The following BBS2 variants were observed in gnomAD, a reference collection of about 807,000 sequenced individuals.
The protein encoded by BBS2 is BBSome complex member BBS2.
Under a neutral mutation model 83.0 loss-of-function variants are expected in BBS2, and 62 were observed. The observed-to-expected ratio is 0.75, with a 90% CI of 0.61 to 0.92. The LOEUF (loss-of-function observed/expected upper bound fraction) is 0.92, where lower values mean the gene tolerates loss of function less well. BBS2 is among the 40% of genes least tolerant of loss of function. The pLI is 0.00. For missense variants in BBS2, 784 were observed against 901.0 expected (o/e 0.87, Z 1.66); for synonymous variants, 303 against 326.1 (o/e 0.93, Z 0.76).
At position 56,514,557 on chromosome 16, in the gene BBS2, C is replaced by A. The variant is rs750506474; in HGVS notation, c.241G>T (p.Gly81Cys). ...TAGCCAAGCTCAGGGTTCAATACGC[C>A]TGCAGTCAGACAGCTGACTGCCTGG... is the stretch of plus-strand genomic sequence containing the variant. Reference protein sequence around the residue: ...INQAVSCLTAGVLNPELGYDA... With the variant: ...INQAVSCLTACVLNPELGYDA... Residue 81 changes from glycine to cysteine, a missense_variant, in exon 2 of 17, where the codon GGC (glycine) becomes TGC (cysteine). Gly to Cys is a radical substitution (Grantham distance 159). Transcript: ENST00000245157. 1.9e-6 allele frequency: 3 copies of A among 1,614,028 alleles called. No homozygotes were observed. The highest frequency in any genetic ancestry group is 2.5e-6 in the Non-Finnish European group (3 of 1,179,994).
chr16:56,486,698 A>T (rs2144098476), intron 15 of BBS2, among the ~76,000 whole-genome samples: 1 of 148,592 alleles, frequency 6.7e-6, no homozygotes, highest in East Asian at 2.0e-4. Context: ...CAGGAACTGG[A>T]GGTTAGAAGA....
rs73547688 is a variant in BBS2, at chr16:56,501,147, A to G, written c.1226-122T>C. On this transcript the variant is annotated intron_variant, in intron 10 of 16. Coordinates refer to ENST00000245157, the MANE Select transcript of BBS2 (RefSeq NM_031885.5). Reference sequence around the variant, plus strand: ...AACACGGTGAAACCCTATCTCTACTAAAAATACAAAAAATTAGCTGGGCGT... The same window carrying G: ...AACACGGTGAAACCCTATCTCTACTGAAAATACAAAAAATTAGCTGGGCGT... 0.23 allele frequency: 303,841 copies of G among 1,326,298 alleles called. 36,306 individuals carry two copies. Among genetic ancestry groups the G allele is most frequent in the South Asian group, 0.25 (21,203 of 84,236 alleles). The allele number at this position is 1,326,298 out of a possible 1,614,324, so 82.2% of individuals were successfully genotyped here.
intron 13 of BBS2, among the ~76,000 whole-genome samples, 178 bp downstream of exon 13, chr16:56,498,259 T>C (rs1964167034): frequency 6.6e-6 from 1 of 152,104 alleles, no homozygotes; most frequent in South Asian, 2.1e-4. Flanking sequence ...AGTTAAACCA[T>C]GTGAAAAAAA....
chr16:56,514,000 G>A (rs1964655887), intron 2 of BBS2, among the ~76,000 whole-genome samples: 1 of 152,118 alleles, frequency 6.6e-6, no homozygotes, highest in African/African-American at 2.4e-5. Flanking sequence ...TGAAAAAATA[G>A]GTGTAATTTC....
At chr16:56,519,330 C>CA (rs35141671) in intron 1 of BBS2, among the ~76,000 whole-genome samples, 6,781 of 55,290 alleles carry the variant, frequency 0.12, 248 homozygotes, top group Non-Finnish European at 0.14. Context: ...GACTCCGTCT[C>CA]AAAAAAAAAA....
chr16:56,498,337 ACAC>A (rs1964169288), intron 13 of BBS2, 97 bp downstream of exon 13: 3 of 1,474,516 alleles, frequency 2.0e-6, no homozygotes, highest in Admixed American at 1.8e-5. Context: ...TGAATGGTAA[ACAC>A]CACATGAGAA....
intron 4 of BBS2, among the ~76,000 whole-genome samples, 162 bp from the exon 5 acceptor site, chr16:56,510,196 G>A (rs763877030): frequency 6.6e-6 from 1 of 152,196 alleles, no homozygotes; most frequent in Non-Finnish European, 1.5e-5. Context: ...TCTAATGGGA[G>A]GATCAGCAGA....
intron 17 of BBS2, chr16:56,470,889 C>A: frequency 8.0e-7 from 1 of 1,252,148 alleles, no homozygotes; most frequent in Non-Finnish European, 1.1e-6. Flanking sequence ...CTACTGTGCC[C>A]TAAGCCCTAT....
rs79977102 is a variant in BBS2 at position 56,474,821 on chromosome 16, T to C, written c.*1-4126A>G. The C allele has an allele frequency of 3.8e-6, 6 of 1,586,316 alleles. No homozygotes were observed. The Admixed American group carries it at 7.7e-5, about 20-fold the overall frequency. ...TTAAAGTTTCTCATCTTTTTTTTTT[T>C]CCTTAGAATCAAGTGTTCCCATGTG... On this transcript the variant is annotated intron_variant, in intron 17 of 17. Transcript: ENST00000682047.
chr16:56,475,221 T>C (rs993767116), intron 17 of BBS2, among the ~76,000 whole-genome samples: 1 of 152,198 alleles, frequency 6.6e-6, no homozygotes, highest in Non-Finnish European at 1.5e-5. Context: ...TTTATGTAAT[T>C]GCCCTTCTGG....
rs919452056 is a variant in BBS2 at position 56,474,993 on chromosome 16, G to A, written c.*1-4298C>T. On this transcript the variant is annotated intron_variant, in intron 17 of 17. Transcript: ENST00000682047. The stretch of plus-strand genomic sequence containing the variant: ...AAGCGGTGGATTATTCCCCGTAGGA[G>A]GGGCAGTCTCTTCTGAGGGACCCTT... The A allele has an allele frequency of 3.7e-6, 6 of 1,605,720 alleles. No homozygotes were observed. In the African/African-American group the frequency reaches 6.7e-5, roughly 18 times the overall value.
intron 15 of BBS2, among the ~76,000 whole-genome samples, chr16:56,487,503 G>A (rs1369680591): frequency 6.6e-6 from 1 of 152,092 alleles, no homozygotes; most frequent in African/African-American, 2.4e-5. Flanking sequence ...TTTCGTAATT[G>A]TCTAAAAATA....
chr16:56,484,966 A>C, intron 16 of BBS2, 99 bp from the exon 17 acceptor site: 1 of 879,288 alleles, frequency 1.1e-6, no homozygotes, highest in South Asian at 1.4e-5. Flanking sequence ...GAGGGAAAAG[A>C]GTTATACTTG....
chr16:56,503,630 G>A (rs912176557), intron 7 of BBS2, among the ~76,000 whole-genome samples: 4 of 152,158 alleles, frequency 2.6e-5, no homozygotes, highest in Non-Finnish European at 5.9e-5. Context: ...TTAAAATGAA[G>A]ATTATGAGGC....
intron 15 of BBS2, among the ~76,000 whole-genome samples, chr16:56,486,748 C>CTTTTT (rs1190474419): frequency 6.1e-4 from 51 of 84,176 alleles, no homozygotes; most frequent in South Asian, 1.1e-3. Flanking sequence ...CAGAAATATT[C>CTTTTT]TTTTTTTTTT....
intron 1 of BBS2, among the ~76,000 whole-genome samples, chr16:56,516,996 A>T (rs948453533): frequency 3.3e-5 from 5 of 150,614 alleles, no homozygotes; most frequent in Non-Finnish European, 4.4e-5. Flanking sequence ...TATTTTATTT[A>T]TTATTATTAT....
At chr16:56,501,076 T>C (rs1391350366) in intron 10 of BBS2, 51 bp from the exon 11 acceptor site, 3 of 1,592,914 alleles carry the variant, frequency 1.9e-6, no homozygotes, top group South Asian at 1.1e-5. Context: ...TTTGGGAAGC[T>C]GAGGTGGGCA....
At position 56,502,725 on chromosome 16, in the gene BBS2, A is replaced by G. The variant is rs762618442; in HGVS notation, c.888T>C (p.Asp296=). ...SSAIAGVVEG[D]YRMDGHIQLI... The stretch of plus-strand genomic sequence containing the variant: ...ACTGTATGTGGCCATCCATCCGGTA[A>G]TCTCCCTCTACCACACCGGCAATTG... Residue 296 remains aspartate, a synonymous_variant, in exon 8 of 17, where the codon GAT becomes GAC. Transcript: ENST00000245157. 6.8e-6 allele frequency: 11 copies of G among 1,611,810 alleles called. No individual in the cohort carries two copies. Among genetic ancestry groups the G allele is most frequent in the Non-Finnish European group, 9.3e-6 (11 of 1,178,022 alleles).
chr16:56,502,779 C>A lies in BBS2; in HGVS notation c.834G>T (p.Glu278Asp). The A allele has an allele frequency of 6.2e-7, 1 of 1,614,184 alleles. No homozygotes were observed. The highest frequency in any genetic ancestry group is 8.5e-7 in the Non-Finnish European group (1 of 1,180,040). ...KVDARSDRTG[E>D]VIFKDNFSSA... ...AAGAAAAATTGTCCTTAAAGATGAC[C>A]TCCCCAGTTCGGTCACTTCGAGCAT... Residue 278 changes from glutamate (E) to aspartate (D), a missense_variant, in exon 8 of 17, where the codon GAG (glutamate) becomes GAT (aspartate). Physicochemically the swap from Glu to Asp is conservative, Grantham distance 45. Transcript: ENST00000245157.
Sources: gnomAD v4.1 joint callset for allele counts (sites outside exome capture counted in the v4.1 genomes callset) on GRCh38, gnomAD v4.1.1 for gene constraint, MANE v1.5 for transcripts, NCBI Gene and HGNC (gene_info 2026-07-23, HGNC 2026-07-21) for gene names.